Variants in LAMA1 observed in about 807,000 individuals in gnomAD.
The protein encoded by LAMA1 is laminin subunit alpha-1.
In LAMA1, 219 loss-of-function variants were observed where a neutral mutation model predicts 348.7. The observed-to-expected ratio is 0.63, with a 90% CI of 0.56 to 0.70. The LOEUF is 0.70. LAMA1 is among the 30% of genes least tolerant of loss of function. The probability of loss-of-function intolerance (pLI) is 0.00; values close to 1 mark genes in which losing one functional copy is unlikely to be tolerated. For synonymous variants in LAMA1, 1,487 were observed against 1,491.0 expected, an observed-to-expected ratio of 1.00 and a Z score of 0.06; for missense variants, 3,744 against 3,888.0, an observed-to-expected ratio of 0.96 and a Z score of 0.99.
intron 3 of LAMA1, among the ~76,000 whole-genome samples, chr18:7,053,006 C>A (rs1370234693): frequency 6.6e-6 from 1 of 152,104 alleles, no homozygotes; most frequent in Non-Finnish European, 1.5e-5. Flanking sequence ...GGCAACAGAG[C>A]AAGACTCTGT....
intron 3 of LAMA1, among the ~76,000 whole-genome samples, chr18:7,064,404 T>G (rs1466658751): frequency 6.6e-6 from 1 of 152,112 alleles, no homozygotes; most frequent in Non-Finnish European, 1.5e-5. Context: ...TAGAAACCAA[T>G]TAAGTCAGTG....
intron 44 of LAMA1, among the ~76,000 whole-genome samples, chr18:6,976,303 T>C: frequency 6.6e-6 from 1 of 152,208 alleles, no homozygotes; most frequent in East Asian, 1.9e-4. Context: ...TTTTAATAAG[T>C]TATTTTATAT....
intron 1 of LAMA1, among the ~76,000 whole-genome samples, chr18:7,092,968 G>A (rs1164127902): frequency 6.6e-6 from 1 of 152,170 alleles, no homozygotes; most frequent in African/African-American, 2.4e-5. Context: ...GAAAACCTGG[G>A]AAGGAGTATA....
chr18:6,999,696 G>A (rs1379997385), intron 31 of LAMA1, 58 bp from the exon 32 acceptor site: 17 of 1,405,822 alleles, frequency 1.2e-5, no homozygotes, highest in Middle Eastern at 2.0e-4. Context: ...CTTCTAACTT[G>A]CGACAGTAAT....
intron 1 of LAMA1, among the ~76,000 whole-genome samples, chr18:7,084,992 CATTT>C (rs1422806892): frequency 6.6e-6 from 1 of 151,864 alleles, no homozygotes; most frequent in Non-Finnish European, 1.5e-5. Context: ...AGTCTTAATT[CATTT>C]GTGTGTAAGA....
intron 52 of LAMA1, 42 bp downstream of exon 52, chr18:6,961,903 C>T: frequency 6.3e-7 from 1 of 1,577,302 alleles, no homozygotes; most frequent in African/African-American, 1.3e-5. Flanking sequence ...TCAATGGACA[C>T]TTATGGAAAC....
At chr18:7,028,943 C>T (rs2057956475) in intron 16 of LAMA1, among the ~76,000 whole-genome samples, 1 of 152,204 alleles carries the variant, frequency 6.6e-6, no homozygotes, top group South Asian at 2.1e-4. Context: ...CTCCTACGGC[C>T]ACTCATTTTA....
intron 3 of LAMA1, among the ~76,000 whole-genome samples, chr18:7,051,323 A>C (rs1445302577): frequency 1.3e-5 from 2 of 152,226 alleles, no homozygotes; most frequent in African/African-American, 4.8e-5. Flanking sequence ...ATGTATATCA[A>C]ATCAAGTTGT....
chr18:7,052,914 G>T (rs1267774499), intron 3 of LAMA1, among the ~76,000 whole-genome samples: 1 of 150,570 alleles, frequency 6.6e-6, no homozygotes, highest in Non-Finnish European at 1.5e-5. Context: ...CGACTACTCG[G>T]GAGGCTGAGG....
chr18:6,966,244 A>C lies in LAMA1; in HGVS notation c.6953T>G (p.Val2318Gly). ...FHFDGSGYSVVEKSLPATVTQ... is the reference protein window; with the variant it reads ...FHFDGSGYSVGEKSLPATVTQ... ...CACGGTAGCCGGAAGTGACTTCTCC[A>C]CGACAGAGTACCCACTCCCGTCAAA... Residue 2318 changes from valine (V) to glycine (G), a missense_variant, in exon 49 of 63, where the codon GTG becomes GGG. Val to Gly is a moderately radical substitution (Grantham distance 109). Transcript: ENST00000389658. 6.2e-7 allele frequency: 1 copy of C among 1,613,986 alleles called. No homozygotes were observed. Among genetic ancestry groups the C allele is most frequent in the Non-Finnish European group, 8.5e-7 (1 of 1,179,982 alleles).
intron 26 of LAMA1, among the ~76,000 whole-genome samples, chr18:7,009,929 C>A (rs1297778607): frequency 6.6e-6 from 1 of 152,106 alleles, no homozygotes; most frequent in East Asian, 1.9e-4. Context: ...GCCTCAGCCT[C>A]CCAAGTAGCT....
chr18:6,992,781 A>G (rs1172263605), intron 35 of LAMA1, 61 bp from the exon 36 acceptor site: 2 of 1,422,630 alleles, frequency 1.4e-6, no homozygotes, highest in South Asian at 2.3e-5. Context: ...TACCAAGTGA[A>G]GAACTTAGAA....
At chr18:7,112,737 A>G (rs545899679) in intron 1 of LAMA1, among the ~76,000 whole-genome samples, 1 of 151,926 alleles carries the variant, frequency 6.6e-6, no homozygotes, top group African/African-American at 2.4e-5. Flanking sequence ...CCAGGGTTCA[A>G]GCAATTCTCC....
intron 43 of LAMA1, 47 bp from the exon 44 acceptor site, chr18:6,977,928 G>A: frequency 1.3e-6 from 2 of 1,589,452 alleles, no homozygotes; most frequent in South Asian, 1.1e-5. Context: ...TTGGGGAGAG[G>A]GAAAAACAAG....
At chr18:6,951,256 C>T (rs1461563457) in intron 57 of LAMA1, among the ~76,000 whole-genome samples, 1 of 152,178 alleles carries the variant, frequency 6.6e-6, no homozygotes, top group Non-Finnish European at 1.5e-5. Flanking sequence ...TAAAGTGGGT[C>T]CTGTAGAGGC....
At chr18:7,088,232 T>G (rs977615091) in intron 1 of LAMA1, among the ~76,000 whole-genome samples, 1 of 152,308 alleles carries the variant, frequency 6.6e-6, no homozygotes, top group South Asian at 2.1e-4. Flanking sequence ...CCTTCCTCCC[T>G]TCGTCTCCTC....
At chr18:7,098,925 T>A (rs1409025995) in intron 1 of LAMA1, among the ~76,000 whole-genome samples, 21 of 150,924 alleles carry the variant, frequency 1.4e-4, no homozygotes, top group Non-Finnish European at 2.4e-4. Flanking sequence ...TACTGGGAAG[T>A]GAGGAGCCCC....
Position 6,972,523 on chromosome 18 carries a change from C to T in LAMA1, c.6774+534G>A, listed in dbSNP as rs545115493. On this transcript the variant is annotated intron_variant, in intron 47 of 62. Transcript: ENST00000389658. Reference sequence around the variant, plus strand: ...TTCATCACTGGGAAAGAAACCCAAACAGCAAGATGAGCCATTGGCTTTTTC... The same window carrying T: ...TTCATCACTGGGAAAGAAACCCAAATAGCAAGATGAGCCATTGGCTTTTTC... Among the ~76,000 whole-genome samples the T allele has an allele frequency of 2.0e-5, 3 of 152,306 alleles. No individual in the cohort carries two copies. In the East Asian group the frequency reaches 5.8e-4, roughly 29 times the overall value.
intron 3 of LAMA1, chr18:7,079,610 A>C: frequency 2.9e-6 from 1 of 346,048 alleles, no homozygotes; most frequent in South Asian, 2.6e-5. Context: ...TTAGCAAGAC[A>C]GTAAGCTAAA....
Sources: gnomAD v4.1 joint callset for allele counts (sites outside exome capture counted in the v4.1 genomes callset) on GRCh38, gnomAD v4.1.1 for gene constraint, MANE v1.5 for transcripts, NCBI Gene and HGNC (gene_info 2026-07-23, HGNC 2026-07-21) for gene names.